AFF3: variants seen among roughly 807,000 people sequenced by gnomAD.
The protein encoded by AFF3 is AF4/FMR2 family member 3.
In AFF3, 32 loss-of-function variants were observed where a neutral mutation model predicts 129.7. That is an observed-to-expected ratio of 0.25 (90% CI 0.19 to 0.33). AFF3 has a LOEUF of 0.33. Among genes scored for constraint, AFF3 ranks in the 10% least tolerant of loss-of-function variants. The probability of loss-of-function intolerance (pLI) is 1.00; values close to 1 mark genes in which losing one functional copy is unlikely to be tolerated. For missense variants in AFF3, 1,373 were observed against 1,592.0 expected, an observed-to-expected ratio of 0.86 and a Z score of 2.34; for synonymous variants, 644 against 635.4, an observed-to-expected ratio of 1.01 and a Z score of -0.20.
At chr2:99,744,712 G>A (rs1328109499) in intron 9 of AFF3, among the ~76,000 whole-genome samples, 2 of 152,134 alleles carry the variant, frequency 1.3e-5, no homozygotes, top group Non-Finnish European at 2.9e-5. Context: ...GCATGTATCG[G>A]TTCTTCATTC....
intron 7 of AFF3, among the ~76,000 whole-genome samples, chr2:99,914,688 G>C (rs896914619): frequency 2.0e-5 from 3 of 152,032 alleles, no homozygotes; most frequent in African/African-American, 7.2e-5. Flanking sequence ...GGCCGAGGCG[G>C]GGGGATCACA....
At chr2:99,752,113 T>C (rs1307423816) in intron 9 of AFF3, 108 bp downstream of exon 9, 1 of 1,000,276 alleles carries the variant, frequency 1.0e-6, no homozygotes, top group Non-Finnish European at 1.5e-6. Context: ...CACGTGCCTC[T>C]GGCAGGAATA....
chr2:99,670,313 C>CT (rs748397879), intron 12 of AFF3, among the ~76,000 whole-genome samples: 12 of 152,242 alleles, frequency 7.9e-5, no homozygotes, highest in Admixed American at 3.3e-4. Context: ...GTAGACACCT[C>CT]TTTATTACAG....
intron 17 of AFF3, among the ~76,000 whole-genome samples, 183 bp downstream of exon 17, chr2:99,582,615 C>T (rs1294027415): frequency 6.6e-6 from 1 of 152,204 alleles, no homozygotes; most frequent in African/African-American, 2.4e-5. Context: ...GTTCTTCTTC[C>T]CCGCTCTCTG....
At chr2:100,080,431 C>T (rs988692661) in intron 4 of AFF3, among the ~76,000 whole-genome samples, 1 of 151,262 alleles carries the variant, frequency 6.6e-6, no homozygotes, top group South Asian at 2.1e-4. Flanking sequence ...TTAGCTGAAA[C>T]TAAAAACAAA....
At chr2:100,095,864 T>C (rs1690237803) in intron 4 of AFF3, among the ~76,000 whole-genome samples, 1 of 152,226 alleles carries the variant, frequency 6.6e-6, no homozygotes, top group Non-Finnish European at 1.5e-5. Flanking sequence ...TTTGGCCACC[T>C]AATGGACTCA....
chr2:99,752,099 G>T, intron 9 of AFF3, 122 bp downstream of exon 9: 1 of 850,060 alleles, frequency 1.2e-6, no homozygotes, highest in Non-Finnish European at 1.9e-6. Flanking sequence ...TGAAGGATCA[G>T]ATTCACGTGC....
intron 4 of AFF3, among the ~76,000 whole-genome samples, chr2:100,058,995 G>A (rs1233308620): frequency 1.3e-5 from 2 of 152,114 alleles, no homozygotes; most frequent in Non-Finnish European, 2.9e-5. Context: ...GCTCATGCAT[G>A]TAATCCCAGC....
At chr2:100,059,289 C>A (rs1456170790) in intron 4 of AFF3, among the ~76,000 whole-genome samples, 4 of 131,748 alleles carry the variant, frequency 3.0e-5, no homozygotes, top group South Asian at 2.6e-4. Flanking sequence ...AGCAATGGAT[C>A]TCAATAGACA....
rs912098579 is a variant in AFF3 at position 99,821,425 on chromosome 2, G to T, written c.921+16052C>A. Among the ~76,000 whole-genome samples the T allele has an allele frequency of 3.9e-5, 6 of 151,972 alleles. No individual in the cohort carries two copies. The South Asian group carries it at 1.0e-3, about 26-fold the overall frequency. On this transcript the variant is annotated intron_variant, in intron 8 of 24. Coordinates refer to ENST00000672756, the MANE Select transcript of AFF3 (RefSeq NM_001386135.1). Reference sequence around the variant, plus strand: ...ACTGGAAGAAGAACAAAATTGTCTTGGGTCACATATAAAATACACTAACAC... The same window carrying T: ...ACTGGAAGAAGAACAAAATTGTCTTTGGTCACATATAAAATACACTAACAC...
At chr2:100,046,048 G>A (rs1685804545) in intron 4 of AFF3, among the ~76,000 whole-genome samples, 1 of 152,088 alleles carries the variant, frequency 6.6e-6, no homozygotes, top group African/African-American at 2.4e-5. Context: ...ACACACTCCT[G>A]AGTTCCAAGA....
At chr2:99,999,635 A>T (rs188754060) in intron 7 of AFF3, among the ~76,000 whole-genome samples, 8 of 152,316 alleles carry the variant, frequency 5.3e-5, no homozygotes, top group Non-Finnish European at 8.8e-5. Context: ...GCCACTATAA[A>T]TAACTATAGG....
chr2:100,001,227 A>C (rs1380101621), intron 7 of AFF3, among the ~76,000 whole-genome samples: 1 of 152,122 alleles, frequency 6.6e-6, no homozygotes, highest in Non-Finnish European at 1.5e-5. Context: ...GTAGTTTCCC[A>C]CCCTTGAGGC....
intron 19 of AFF3, among the ~76,000 whole-genome samples, chr2:99,566,679 T>C (rs372514364): frequency 1.3e-3 from 194 of 152,348 alleles, no homozygotes; most frequent in African/African-American, 4.4e-3. Flanking sequence ...TCTAAACTTA[T>C]GCATCAAGTT....
At chr2:99,894,425 A>G (rs1016867887) in intron 7 of AFF3, among the ~76,000 whole-genome samples, 1 of 152,108 alleles carries the variant, frequency 6.6e-6, no homozygotes, top group Non-Finnish European at 1.5e-5. Flanking sequence ...CTGGTACTTC[A>G]TCAGCATTCT....
chr2:99,610,033 A>G lies in AFF3; in HGVS notation c.1185-8412T>C, dbSNP rs536586205. On this transcript the variant is annotated intron_variant, in intron 13 of 24. Coordinates refer to ENST00000672756, the MANE Select transcript of AFF3 (RefSeq NM_001386135.1). ...ACCTCGTGACATTCTTCTTCTGGAC[A>G]ACGAGTTCCATCATCTCCCCACCAT... Among the ~76,000 whole-genome samples the G allele has an allele frequency of 1.5e-4, 23 of 152,292 alleles. No individual in the cohort carries two copies. In the South Asian group the frequency reaches 2.5e-3, roughly 16 times the overall value.
chr2:99,655,109 C>G (rs1379115092), intron 12 of AFF3, among the ~76,000 whole-genome samples: 1 of 150,746 alleles, frequency 6.6e-6, no homozygotes, highest in Admixed American at 6.7e-5. Flanking sequence ...GTCTGAAGTA[C>G]CTACTATGTG....
At chr2:99,722,539 T>G (rs918699935) in intron 11 of AFF3, among the ~76,000 whole-genome samples, 2 of 152,196 alleles carry the variant, frequency 1.3e-5, no homozygotes, top group South Asian at 2.1e-4. Flanking sequence ...GGGGTTTCAA[T>G]AGAAAATCTG....
intron 11 of AFF3, among the ~76,000 whole-genome samples, chr2:99,705,441 G>A (rs1231611992): frequency 1.3e-5 from 2 of 152,094 alleles, no homozygotes; most frequent in Admixed American, 6.5e-5. Flanking sequence ...AAAGGATCAG[G>A]CATTTCTTCC....
Sources: allele counts gnomAD v4.1 joint callset (sites outside exome capture counted in the v4.1 genomes callset), GRCh38; gene constraint gnomAD v4.1.1; transcripts MANE v1.5; gene names NCBI Gene and HGNC (gene_info 2026-07-23, HGNC 2026-07-21).